Variants in LIPF observed in about 807,000 individuals in gnomAD.
LIPF encodes the protein lipase F, gastric type, also known as gastric triacylglycerol lipase.
Under a neutral mutation model 38.0 loss-of-function variants are expected in LIPF, and 25 were observed. The observed-to-expected ratio is 0.66, with a 90% confidence interval of 0.48 to 0.92. The LOEUF (loss-of-function observed/expected upper bound fraction) is 0.92, where lower values mean the gene tolerates loss of function less well. Ranked by LOEUF, LIPF falls within the 40% of genes least tolerant of loss-of-function variation. LIPF has a pLI of 0.00. For missense variants in LIPF, 410 were observed against 469.9 expected (o/e 0.87, Z 1.18); for synonymous variants, 161 against 156.2 (o/e 1.03, Z -0.23).
intron 9 of LIPF, among the ~76,000 whole-genome samples, 173 bp from the exon 10 acceptor site, chr10:88,678,272 A>G (rs1357066967): frequency 2.6e-5 from 4 of 152,230 alleles, no homozygotes; most frequent in Non-Finnish European, 1.5e-5. Context: ...GCACTTATCT[A>G]AAACATATTG....
intron 6 of LIPF, 52 bp from the exon 7 acceptor site, chr10:88,673,536 C>G: frequency 7.0e-7 from 1 of 1,433,476 alleles, no homozygotes; most frequent in Non-Finnish European, 9.6e-7. Flanking sequence ...ACTAGTGAGT[C>G]TTTTCTGCAG....
At chr10:88,676,395 T>C in intron 9 of LIPF, 115 bp downstream of exon 9, 1 of 668,664 alleles carries the variant, frequency 1.5e-6, no homozygotes. Context: ...ATGTTGATGT[T>C]CTGTCTCTCA....
chr10:88,666,997 A>G (rs1841521379), intron 1 of LIPF, among the ~76,000 whole-genome samples: 1 of 152,096 alleles, frequency 6.6e-6, no homozygotes, highest in Non-Finnish European at 1.5e-5. Context: ...TTTTTTGCCA[A>G]TTAAGATTAA....
intron 6 of LIPF, among the ~76,000 whole-genome samples, chr10:88,672,524 T>A (rs1038707714): frequency 3.9e-5 from 6 of 151,984 alleles, no homozygotes; most frequent in Non-Finnish European, 5.9e-5. Context: ...TTTCAATAAA[T>A]TATAAATATT....
intron 7 of LIPF, among the ~76,000 whole-genome samples, chr10:88,674,288 C>T (rs1366922511): frequency 6.6e-6 from 1 of 152,174 alleles, no homozygotes; most frequent in African/African-American, 2.4e-5. Context: ...CCTGCCTCAG[C>T]CTCCCGAGTA....
intron 3 of LIPF, among the ~76,000 whole-genome samples, chr10:88,667,959 C>T (rs906612059): frequency 6.6e-6 from 1 of 152,120 alleles, no homozygotes; most frequent in Admixed American, 6.5e-5. Flanking sequence ...CAAGCTACAA[C>T]TGTACATAGG....
chr10:88,668,917 C>A, intron 4 of LIPF, 161 bp downstream of exon 4: 1 of 620,712 alleles, frequency 1.6e-6, no homozygotes. Flanking sequence ...GTACCTCATT[C>A]CTAGGGTAGC....
At chr10:88,672,007 T>C (rs200056621) in intron 6 of LIPF, 42 bp downstream of exon 6, 1 of 1,540,682 alleles carries the variant, frequency 6.5e-7, no homozygotes, top group Non-Finnish European at 8.8e-7. Flanking sequence ...AGACCCTTGA[T>C]TGCCCATGGA....
chr10:88,666,699 AG>A (rs1307122882), intron 1 of LIPF, among the ~76,000 whole-genome samples: 6 of 152,226 alleles, frequency 3.9e-5, no homozygotes, highest in Non-Finnish European at 7.4e-5. Flanking sequence ...TCTAAAAAAA[AG>A]AAAAAAAATT....
Position 88,678,671 on chromosome 10 carries a change from A to AT in LIPF, c.1188dup (p.Lys397Ter). On this transcript the variant is annotated frameshift_variant, in exon 10 of 10. Coordinates refer to ENST00000238983, the MANE Select transcript of LIPF (RefSeq NM_004190.4). LOFTEE classifies it high-confidence loss of function. Reference sequence around the variant, plus strand: ...GACATTGTTTCTATGATATCAGAAGATAAAAAGTAGTTCTGGATTTAAAGA... The same window carrying AT: ...GACATTGTTTCTATGATATCAGAAGATTAAAAAGTAGTTCTGGATTTAAAGA... 6.3e-7 allele frequency: 1 copy of AT among 1,596,306 alleles called. No homozygotes were observed. The highest frequency in any genetic ancestry group is 8.6e-7 in the Non-Finnish European group (1 of 1,163,850).
chr10:88,668,806 G>T (rs760268594), intron 4 of LIPF, 50 bp downstream of exon 4: 1 of 1,508,318 alleles, frequency 6.6e-7, no homozygotes. Context: ...AAAAGCATAG[G>T]CATTTGCCCC....
chr10:88,675,095 C>T lies in LIPF; in HGVS notation c.817-491C>T, dbSNP rs553865797. ...AATTTGTTTCACTATGGCCACAGTC[C>T]GCTATATTAATGGCATTAAGAGTCA... On this transcript the variant is annotated intron_variant, in intron 7 of 9. Transcript: ENST00000238983. Among the ~76,000 whole-genome samples, 260 of 152,246 alleles carry T rather than the reference C, an allele frequency of 1.7e-3. 2 individuals carry two copies. The highest frequency in any genetic ancestry group is 5.7e-3 in the African/African-American group (236 of 41,534).
chr10:88,665,323 A>C (rs814623), intron 1 of LIPF, among the ~76,000 whole-genome samples: 1 of 152,162 alleles, frequency 6.6e-6, no homozygotes, highest in Admixed American at 6.5e-5. Context: ...ATCATAATGA[A>C]TTCCCCTAAC....
intron 7 of LIPF, among the ~76,000 whole-genome samples, chr10:88,674,056 G>A (rs1376887421): frequency 2.0e-5 from 3 of 152,190 alleles, no homozygotes; most frequent in Non-Finnish European, 4.4e-5. Context: ...AGGCTCCTTT[G>A]TGAGAAAAAT....
intron 5 of LIPF, among the ~76,000 whole-genome samples, chr10:88,671,490 C>T (rs1415949562): frequency 6.6e-6 from 1 of 152,020 alleles, no homozygotes; most frequent in Admixed American, 6.6e-5. Flanking sequence ...TAATGAGATA[C>T]ATTTAAATTC....
rs17333956 is a variant in LIPF, at chr10:88,677,196, G to T, written c.960+916G>T. 4.6e-3 allele frequency among the ~76,000 whole-genome samples: 703 copies of T among 152,180 alleles called. 1 individual carries two copies. The highest frequency in any genetic ancestry group is 0.016 in the African/African-American group (663 of 41,532). On this transcript the variant is annotated intron_variant, in intron 9 of 9. Coordinates refer to ENST00000238983, the MANE Select transcript of LIPF (RefSeq NM_004190.4). Reference sequence around the variant, plus strand: ...CCCCCAACCTTGATTTTGCATTTTTGATATCTTTAAAGTTTTCAGAATAGC... The same window carrying T: ...CCCCCAACCTTGATTTTGCATTTTTTATATCTTTAAAGTTTTCAGAATAGC...
intron 5 of LIPF, 83 bp downstream of exon 5, chr10:88,670,029 A>C: frequency 1.3e-6 from 1 of 794,308 alleles, no homozygotes; most frequent in Non-Finnish European, 2.1e-6. Context: ...TAGCAACCAC[A>C]CTAATTGCTT....
At chr10:88,675,753 C>G in intron 8 of LIPF, 96 bp downstream of exon 8, 2 of 768,282 alleles carry the variant, frequency 2.6e-6, no homozygotes, top group South Asian at 4.2e-5. Context: ...CTGAGTACAC[C>G]TGGAAGGTAA....
intron 5 of LIPF, among the ~76,000 whole-genome samples, chr10:88,670,337 C>T (rs564880999): frequency 6.4e-4 from 98 of 152,112 alleles, no homozygotes; most frequent in Non-Finnish European, 1.1e-3. Context: ...ACCATTTATA[C>T]TCTAGAGATA....
Sources: gnomAD v4.1 joint callset for allele counts (sites outside exome capture counted in the v4.1 genomes callset) on GRCh38, gnomAD v4.1.1 for gene constraint, MANE v1.5 for transcripts, NCBI Gene and HGNC (gene_info 2026-07-23, HGNC 2026-07-21) for gene names.